The following RAD51B variants were observed in gnomAD, a reference collection of about 807,000 sequenced individuals.
RAD51B encodes RAD51 paralog B.
RAD51B carries 38 observed loss-of-function variants against 42.2 expected under a neutral mutation model. That is an observed-to-expected ratio of 0.90 (90% CI 0.70 to 1.18). The LOEUF (loss-of-function observed/expected upper bound fraction) is 1.18, where lower values mean the gene tolerates loss of function less well. RAD51B is among the 50% of genes most tolerant of loss of function. The pLI, the probability that RAD51B is intolerant of heterozygous loss-of-function variation, is 0.00. For synonymous variants in RAD51B, 154 were observed against 145.2 expected, an observed-to-expected ratio of 1.06 and a Z score of -0.43; for missense variants, 373 against 400.7, an observed-to-expected ratio of 0.93 and a Z score of 0.59.
At chr14:68,272,620 T>A (rs2081128289) in intron 7 of RAD51B, among the ~76,000 whole-genome samples, 2 of 120,100 alleles carry the variant, frequency 1.7e-5, no homozygotes, top group Non-Finnish European at 3.4e-5. Flanking sequence ...CCATGGTATT[T>A]TGTTTATAAA....
chr14:68,581,937 G>A (rs1410397799), intron 10 of RAD51B, among the ~76,000 whole-genome samples: 6 of 152,148 alleles, frequency 3.9e-5, no homozygotes, highest in African/African-American at 1.4e-4. Flanking sequence ...AATGGTGTTG[G>A]GAAAACTGGC....
At chr14:68,495,015 T>C (rs939357478) in intron 10 of RAD51B, among the ~76,000 whole-genome samples, 6 of 152,188 alleles carry the variant, frequency 3.9e-5, no homozygotes, top group African/African-American at 1.4e-4. Flanking sequence ...TTTTCTCTGA[T>C]TTCTAGAAAT....
At chr14:68,319,179 A>C (rs1595702828) in intron 8 of RAD51B, among the ~76,000 whole-genome samples, 1 of 152,168 alleles carries the variant, frequency 6.6e-6, no homozygotes, top group African/African-American at 2.4e-5. Flanking sequence ...CTGCTTTGCC[A>C]CTCTGCATGT....
chr14:68,639,415 G>A (rs1222139154), intron 10 of RAD51B, among the ~76,000 whole-genome samples: 4 of 30,178 alleles, frequency 1.3e-4, no homozygotes, highest in African/African-American at 3.8e-4. Flanking sequence ...GCATTCCACC[G>A]GCCAGAACTC....
At chr14:68,112,676 G>T (rs903848777) in intron 7 of RAD51B, among the ~76,000 whole-genome samples, 2 of 152,092 alleles carry the variant, frequency 1.3e-5, no homozygotes, top group Admixed American at 1.3e-4. Context: ...TGCCCCAGCT[G>T]GTTTTATCTG....
At chr14:68,026,603 CCTTCTTTGTT>C (rs962004514) in intron 7 of RAD51B, among the ~76,000 whole-genome samples, 3 of 151,464 alleles carry the variant, frequency 2.0e-5, no homozygotes, top group African/African-American at 7.3e-5. Context: ...TATGTAATGC[CCTTCTTTGTT>C]CTTCTTTGTT....
At chr14:67,967,157 C>G (rs141059549) in intron 7 of RAD51B, among the ~76,000 whole-genome samples, 3,819 of 152,222 alleles carry the variant, frequency 0.025, 106 homozygotes, top group African/African-American at 0.067. Context: ...TCTTGTGAGA[C>G]TTATTCACTA....
chr14:68,298,229 T>A (rs2081651203), intron 8 of RAD51B, among the ~76,000 whole-genome samples: 1 of 152,206 alleles, frequency 6.6e-6, no homozygotes, highest in Non-Finnish European at 1.5e-5. Context: ...GGGCACAGCC[T>A]GCAAATGTCA....
chr14:68,446,437 C>A (rs1319717391), intron 9 of RAD51B, among the ~76,000 whole-genome samples: 9 of 152,152 alleles, frequency 5.9e-5, no homozygotes, highest in Non-Finnish European at 1.0e-4. Flanking sequence ...CATGCCTCTT[C>A]AATTTTTTTC....
chr14:68,526,060 G>A (rs755782469), intron 10 of RAD51B, among the ~76,000 whole-genome samples: 6 of 152,114 alleles, frequency 3.9e-5, no homozygotes, highest in East Asian at 1.9e-4. Context: ...CCATCATAGC[G>A]CCTCAGTTTT....
At chr14:68,457,648 G>A (rs899958753) in intron 9 of RAD51B, among the ~76,000 whole-genome samples, 3 of 151,970 alleles carry the variant, frequency 2.0e-5, no homozygotes, top group African/African-American at 7.3e-5. Context: ...TGCCAGGCTG[G>A]AGTGCAGTGA....
At chr14:68,602,506 C>CTACATAGA (rs1891261896) in intron 10 of RAD51B, among the ~76,000 whole-genome samples, 1 of 148,904 alleles carries the variant, frequency 6.7e-6, no homozygotes, top group Non-Finnish European at 1.5e-5. Context: ...GGATGGATAG[C>CTACATAGA]TAGATAGATA....
intron 5 of RAD51B, among the ~76,000 whole-genome samples, chr14:67,876,316 G>C (rs148451713): frequency 3.3e-5 from 5 of 152,108 alleles, no homozygotes; most frequent in Admixed American, 2.6e-4. Context: ...TACATTAAGC[G>C]TATGTTTTAT....
chr14:68,008,252 A>G (rs1314468839), intron 7 of RAD51B, among the ~76,000 whole-genome samples: 2 of 152,006 alleles, frequency 1.3e-5, no homozygotes, highest in African/African-American at 4.8e-5. Context: ...TTAATTACAT[A>G]TAGTACAATA....
chr14:68,064,979 GT>G (rs1226608241), intron 7 of RAD51B, among the ~76,000 whole-genome samples: 1 of 152,054 alleles, frequency 6.6e-6, no homozygotes, highest in Admixed American at 6.6e-5. Flanking sequence ...TTTCATTTTG[GT>G]GGGTAAATTA....
At chr14:68,520,951 A>G (rs1164922397) in intron 10 of RAD51B, among the ~76,000 whole-genome samples, 1 of 152,140 alleles carries the variant, frequency 6.6e-6, no homozygotes, top group African/African-American at 2.4e-5. Context: ...AGGCTGATGG[A>G]GTTTTTGTTT....
At chr14:68,190,689 G>A (rs769408721) in intron 7 of RAD51B, among the ~76,000 whole-genome samples, 6 of 152,056 alleles carry the variant, frequency 3.9e-5, no homozygotes, top group Non-Finnish European at 7.4e-5. Context: ...ACATCAAGAT[G>A]AAAAGTTCAG....
At chr14:68,440,470 C>T (rs1486703938) in intron 9 of RAD51B, among the ~76,000 whole-genome samples, 1 of 152,180 alleles carries the variant, frequency 6.6e-6, no homozygotes, top group Non-Finnish European at 1.5e-5. Context: ...TTCAGCCAGG[C>T]ACAGTGGCTC....
Position 68,082,758 on chromosome 14 carries a change from C to CT in RAD51B, c.756+195558dup, listed in dbSNP as rs1277350651. 1.3e-5 allele frequency among the ~76,000 whole-genome samples: 2 copies of CT among 152,048 alleles called. 1 individual carries two copies. Among genetic ancestry groups the CT allele is most frequent in the East Asian group, 3.9e-4 (2 of 5,186 alleles). On this transcript the variant is annotated intron_variant, in intron 7 of 10. Transcript: ENST00000471583. ...GATGGACATTTATGTTGTTGCCAGT[C>CT]TTTTCATTACAATGACTAATGTTGT...
Sources: gnomAD v4.1 joint callset for allele counts (sites outside exome capture counted in the v4.1 genomes callset) on GRCh38, gnomAD v4.1.1 for gene constraint, MANE v1.5 for transcripts, NCBI Gene and HGNC (gene_info 2026-07-23, HGNC 2026-07-21) for gene names.